The following KDM5C variants were observed in gnomAD, a reference collection of about 807,000 sequenced individuals.
KDM5C encodes the protein lysine-specific demethylase 5C.
In KDM5C, 16 loss-of-function variants were observed where a neutral mutation model predicts 110.6. That is an observed-to-expected ratio of 0.14 (90% confidence interval 0.10 to 0.22). The LOEUF (loss-of-function observed/expected upper bound fraction) is 0.22. Ranked by LOEUF, KDM5C falls within the 10% of genes least tolerant of loss-of-function variation. KDM5C has a pLI of 1.00. For synonymous variants in KDM5C, 511 were observed against 520.4 expected (o/e 0.98, Z 0.24); for missense variants, 681 against 1,300.9 (o/e 0.52, Z 7.33).
Position 53,197,059 on chromosome X carries a change from G to A in KDM5C, c.2623-15C>T, listed in dbSNP as rs1556837939. On this transcript the variant is annotated splice_polypyrimidine_tract_variant and intron_variant, in intron 18 of 25. Coordinates refer to ENST00000375401, the MANE Select transcript of KDM5C (RefSeq NM_004187.5). ...TCCAGAACACCCTACCAGGACACAGGATGAAGAACAAACTCCTCAGCTGGG... is the reference window on the plus strand; with the variant it reads ...TCCAGAACACCCTACCAGGACACAGAATGAAGAACAAACTCCTCAGCTGGG... 1.7e-6 allele frequency: 2 copies of A among 1,149,382 alleles called. No individual in the cohort carries two copies. Among genetic ancestry groups the A allele is most frequent in the Admixed American group, 4.6e-5 (2 of 43,837 alleles). 94.7% of individuals were successfully genotyped at this position (1,149,382 alleles called of 1,213,427 possible).
chrX:53,186,142 A>T (rs1934209469), intron 25 of KDM5C, among the ~76,000 whole-genome samples: 1 of 111,566 alleles, frequency 9.0e-6, no homozygotes, highest in South Asian at 3.8e-4. Context: ...TTTTGATCTG[A>T]GTCTTTCTTA....
intron 12 of KDM5C, among the ~76,000 whole-genome samples, chrX:53,205,560 C>T (rs1021929945): frequency 8.9e-6 from 1 of 112,403 alleles, no homozygotes; most frequent in Non-Finnish European, 1.9e-5. Flanking sequence ...AATCCCCATG[C>T]CCACATGATT....
rs782476820 is a variant in KDM5C at position 53,201,834 on chromosome X, C to A, written c.1866+20G>T. ...AACCCTCCTGCTTCTCCCCACCATCCCACCACATTCTAGACTCACCCAGTC... is the reference window on the plus strand; with the variant it reads ...AACCCTCCTGCTTCTCCCCACCATCACACCACATTCTAGACTCACCCAGTC... On this transcript the variant is annotated intron_variant, in intron 13 of 25. Transcript: ENST00000375401. The A allele has an allele frequency of 8.3e-7, 1 of 1,210,245 alleles. No homozygotes were observed. The highest frequency in any genetic ancestry group is 1.7e-5 in the African/African-American group (1 of 57,195).
intron 12 of KDM5C, among the ~76,000 whole-genome samples, chrX:53,204,472 C>T (rs2073257207): frequency 1.8e-5 from 2 of 111,067 alleles, no homozygotes; most frequent in African/African-American, 6.6e-5. Flanking sequence ...CTAGACATTT[C>T]TAGCTGCCCA....
intron 25 of KDM5C, among the ~76,000 whole-genome samples, chrX:53,180,862 G>A (rs1423810907): frequency 1.9e-5 from 2 of 107,271 alleles, no homozygotes; most frequent in African/African-American, 6.8e-5. Flanking sequence ...CCAAGTAGCT[G>A]GGACTACAGG....
intron 2 of KDM5C, among the ~76,000 whole-genome samples, chrX:53,219,870 C>T (rs1259150531): frequency 4.5e-5 from 5 of 111,991 alleles, no homozygotes; most frequent in Non-Finnish European, 5.6e-5. Flanking sequence ...CAACATCTTG[C>T]CCAAGCTGTA....
rs370457010 is a variant in KDM5C at position 53,218,390 on chromosome X, C to G, written c.237G>C (p.Thr79=). The change falls in exon 3 of 26, where the codon ACG becomes ACC. Residue 79 remains threonine (T), a synonymous_variant. Transcript: ENST00000375401. ...GGTCCAAGTAGTTCAGTTTCACTCT[C>G]GTCTGGGCCTGAAGAAGAAATGGCT... is the stretch of plus-strand genomic sequence containing the variant. ...IQRLNELEAQ[T]RVKLNYLDQI... is the part of the protein sequence containing the mutation. The G allele has an allele frequency of 8.3e-6, 10 of 1,211,031 alleles. No homozygotes were observed. Among genetic ancestry groups the G allele is most frequent in the Non-Finnish European group, 1.1e-5 (10 of 895,265 alleles).
Position 53,201,660 on chromosome X carries a change from T to C in KDM5C, c.1951A>G (p.Met651Val). Reference sequence around the variant, plus strand: ...TCTAGCTTCTCTGGGCAGGCAGCCATCTTGCAGATAAGCTCCTCATGGGAG... The same window carrying C: ...TCTAGCTTCTCTGGGCAGGCAGCCACCTTGCAGATAAGCTCCTCATGGGAG... The part of the protein sequence containing the change: ...VFSHEELICK[M>V]AACPEKLDLN... Residue 651 changes from methionine to valine, a missense_variant, in exon 14 of 26, where the codon ATG becomes GTG. Physicochemically the swap from Met to Val is conservative, Grantham distance 21. Transcript: ENST00000375401. 1 of 1,212,137 alleles carries C rather than the reference T, an allele frequency of 8.2e-7. No individual in the cohort carries two copies. The highest frequency in any genetic ancestry group is 1.1e-6 in the Non-Finnish European group (1 of 895,544).
chrX:53,208,499 CTTTTTTTTTT>C (rs67574134), intron 12 of KDM5C, among the ~76,000 whole-genome samples: 9 of 48,288 alleles, frequency 1.9e-4, no homozygotes, highest in African/African-American at 5.0e-4. Context: ...TCAGAGAATC[CTTTTTTTTTT>C]TTTTTTTTTT....
rs181761419 is a variant in KDM5C, at chrX:53,195,120, G to A, written c.3301-52C>T. 5.6e-5 allele frequency: 66 copies of A among 1,183,348 alleles called. No individual in the cohort carries two copies. In the African/African-American group the frequency reaches 5.6e-4, roughly 10 times the overall value. On this transcript the variant is annotated intron_variant, in intron 21 of 25. Transcript: ENST00000375401. Reference sequence around the variant, plus strand: ...TGACTGGGCTTCCCTTACATCCCCCGCCTCCTTCCCTCCCTGGTGCCCCTA... The same window carrying A: ...TGACTGGGCTTCCCTTACATCCCCCACCTCCTTCCCTCCCTGGTGCCCCTA...
rs782380162 is a variant in KDM5C, at chrX:53,194,175, G to T, written c.4002C>A (p.Asp1334Glu). 8.3e-7 allele frequency: 1 copy of T among 1,207,818 alleles called. No individual in the cohort carries two copies. The highest frequency in any genetic ancestry group is 3.0e-5 in the East Asian group (1 of 33,707). ...CCTTGCCACTGCCCTCTCTGAGGGGGTCAGAAGCAGGGGCTGCAGGGTAGT... is the reference window on the plus strand; with the variant it reads ...CCTTGCCACTGCCCTCTCTGAGGGGTTCAGAAGCAGGGGCTGCAGGGTAGT... ...PPNYPAAPAS[D>E]PLREGSGKDM... Residue 1334 changes from aspartate to glutamate, a missense_variant, in exon 23 of 26, where the codon GAC becomes GAA. By Grantham distance (45) the Asp-to-Glu change is conservative (BLOSUM62 2). Transcript: ENST00000375401.
At chrX:53,213,317 C>T (rs1344834845) in intron 8 of KDM5C, among the ~76,000 whole-genome samples, 6 of 112,011 alleles carry the variant, frequency 5.4e-5, no homozygotes, top group Non-Finnish European at 9.4e-5. Context: ...TCCACCACTA[C>T]CAAGGCCAAT....
chrX:53,194,132 A>G lies in KDM5C; in HGVS notation c.4038+7T>C, dbSNP rs781835203. 1 of 1,192,540 alleles carries G rather than the reference A, an allele frequency of 8.4e-7. No individual in the cohort carries two copies. Among genetic ancestry groups the G allele is most frequent in the East Asian group, 3.0e-5 (1 of 32,810 alleles). Reference sequence around the variant, plus strand: ...TCTGAGGACAAGAGCTGGGCTGAGTAGCTCACCTTAGGCATATCCTTGCCA... The same window carrying G: ...TCTGAGGACAAGAGCTGGGCTGAGTGGCTCACCTTAGGCATATCCTTGCCA... On this transcript the variant is annotated splice_region_variant and intron_variant, in intron 23 of 25. Coordinates refer to ENST00000375401, the MANE Select transcript of KDM5C (RefSeq NM_004187.5).
At chrX:53,200,609 A>G (rs900416178) in intron 14 of KDM5C, among the ~76,000 whole-genome samples, 2 of 111,832 alleles carry the variant, frequency 1.8e-5, no homozygotes, top group Admixed American at 1.9e-4. Context: ...GACTTCCAAC[A>G]CTACTGTAGC....
intron 8 of KDM5C, 141 bp downstream of exon 8, chrX:53,214,548 C>A: frequency 1.5e-6 from 1 of 655,223 alleles, no homozygotes; most frequent in African/African-American, 2.2e-5. Flanking sequence ...CTCCTTTCTC[C>A]CAAAGCTCTG....
chrX:53,207,965 T>C (rs1475369262), intron 12 of KDM5C, among the ~76,000 whole-genome samples: 3 of 74,316 alleles, frequency 4.0e-5, no homozygotes, highest in Non-Finnish European at 7.3e-5. Context: ...CGAGACTCTG[T>C]CTCAAAAAAA....
intron 17 of KDM5C, among the ~76,000 whole-genome samples, 161 bp downstream of exon 17, chrX:53,198,329 C>T (rs1556839183): frequency 8.9e-6 from 1 of 112,229 alleles, no homozygotes; most frequent in East Asian, 2.8e-4. Flanking sequence ...CTCCTTGTCC[C>T]CCCCAACACC....
In KDM5C at chrX:53,201,577, C is replaced by A; in HGVS notation, c.2034G>T (p.Arg678=). 1 of 1,211,780 alleles carries A rather than the reference C, an allele frequency of 8.3e-7. No individual in the cohort carries two copies. The highest frequency in any genetic ancestry group is 1.1e-6 in the Non-Finnish European group (1 of 895,494). The change falls in exon 14 of 26, where the codon CGG becomes CGT. Residue 678 remains arginine, a synonymous_variant. Coordinates refer to ENST00000375401, the MANE Select transcript of KDM5C (RefSeq NM_004187.5). Reference sequence around the variant, plus strand: ...TCTCCAGCAGGGCCTTTCGTAGACGCCGCTCTTCTTGCACCATGATGAACA... The same window carrying A: ...TCTCCAGCAGGGCCTTTCGTAGACGACGCTCTTCTTGCACCATGATGAACA... ...KEMFIMVQEE[R]RLRKALLEKG... is the part of the protein sequence containing the mutation.
chrX:53,191,804 G>C (rs1934437600), downstream of KDM5C: 1 of 174,450 alleles, frequency 5.7e-6, no homozygotes, highest in Non-Finnish European at 1.1e-5. Flanking sequence ...TTTCAAACAA[G>C]TGAATTTTAT....
Sources: gnomAD v4.1 joint callset for allele counts (sites outside exome capture counted in the v4.1 genomes callset) on GRCh38, gnomAD v4.1.1 for gene constraint, MANE v1.5 for transcripts, NCBI Gene and HGNC (gene_info 2026-07-23, HGNC 2026-07-21) for gene names.